NKAIN2: variants seen among roughly 807,000 people sequenced by gnomAD.
NKAIN2 encodes the protein sodium/potassium transporting ATPase interacting 2.
Under a neutral mutation model 32.6 loss-of-function variants are expected in NKAIN2, and 14 were observed. The ratio of observed to expected loss-of-function variants is 0.43; its 90% CI spans 0.28 to 0.67. The LOEUF (loss-of-function observed/expected upper bound fraction) is 0.67, where lower values mean the gene tolerates loss of function less well. Ranked by LOEUF, NKAIN2 falls within the 30% of genes least tolerant of loss-of-function variation. NKAIN2 has a pLI of 0.17. For missense variants in NKAIN2, 198 were observed against 258.3 expected (o/e 0.77, Z 1.60); for synonymous variants, 80 against 87.2 (o/e 0.92, Z 0.46).
At chr6:124,401,590 G>T (rs7774006) in intron 3 of NKAIN2, among the ~76,000 whole-genome samples, 2,288 of 152,280 alleles carry the variant, frequency 0.015, 52 homozygotes, top group African/African-American at 0.053. Flanking sequence ...CTCACTCTTG[G>T]TGTGGTCAGG....
In NKAIN2 at chr6:123,925,899, C is replaced by G. The variant is rs144778246; in HGVS notation, c.54+121645C>G. 3.4e-3 allele frequency among the ~76,000 whole-genome samples: 521 copies of G among 152,304 alleles called. 3 individuals are homozygous for G. Among genetic ancestry groups the G allele is most frequent in the African/African-American group, 0.012 (498 of 41,572 alleles). ...TAAACTAGATAGCTTATATAAACAA[C>G]ATAAATGAATTTAATATAATTCTGG... On this transcript the variant is annotated intron_variant, in intron 1 of 6. Coordinates refer to ENST00000368417, the MANE Select transcript of NKAIN2 (RefSeq NM_001040214.3).
chr6:124,301,106 C>G (rs924335227), intron 2 of NKAIN2, among the ~76,000 whole-genome samples: 2 of 152,076 alleles, frequency 1.3e-5, no homozygotes, highest in African/African-American at 4.8e-5. Flanking sequence ...CTGGCCCAGT[C>G]CAGGGCCCCT....
At chr6:124,447,083 A>T (rs1183387680) in intron 3 of NKAIN2, among the ~76,000 whole-genome samples, 2 of 152,106 alleles carry the variant, frequency 1.3e-5, no homozygotes, top group African/African-American at 4.8e-5. Flanking sequence ...AGCTTCTTCT[A>T]CACATTAAAC....
intron 1 of NKAIN2, among the ~76,000 whole-genome samples, chr6:123,818,971 G>A (rs546159571): frequency 1.4e-4 from 22 of 152,194 alleles, no homozygotes; most frequent in Non-Finnish European, 3.1e-4. Flanking sequence ...TGAGTGGAAA[G>A]GTGTGTGTTT....
intron 3 of NKAIN2, among the ~76,000 whole-genome samples, chr6:124,502,214 G>T (rs1418571161): frequency 6.6e-6 from 1 of 152,132 alleles, no homozygotes; most frequent in Non-Finnish European, 1.5e-5. Context: ...ACTTGAAAGA[G>T]ATAGTAGCAT....
At chr6:124,299,506 C>T (rs1796209713) in intron 2 of NKAIN2, among the ~76,000 whole-genome samples, 1 of 151,888 alleles carries the variant, frequency 6.6e-6, no homozygotes, top group Non-Finnish European at 1.5e-5. Flanking sequence ...TGTAGCCTTT[C>T]CTTGACGATT....
At chr6:123,843,126 G>A (rs1774944690) in intron 1 of NKAIN2, among the ~76,000 whole-genome samples, 1 of 152,114 alleles carries the variant, frequency 6.6e-6, no homozygotes, top group Non-Finnish European at 1.5e-5. Context: ...TTCTCTTTTA[G>A]CTTTGCCACT....
At chr6:124,626,861 G>A (rs1783371406) in intron 3 of NKAIN2, among the ~76,000 whole-genome samples, 1 of 152,162 alleles carries the variant, frequency 6.6e-6, no homozygotes. Context: ...TCAGGCCAGA[G>A]CCCTTCCAGA....
intron 3 of NKAIN2, among the ~76,000 whole-genome samples, chr6:124,592,231 AC>A (rs1273857104): frequency 1.3e-5 from 2 of 152,234 alleles, no homozygotes; most frequent in Admixed American, 1.3e-4. Flanking sequence ...AGAAACAACA[AC>A]AAAAAATACT....
intron 1 of NKAIN2, among the ~76,000 whole-genome samples, chr6:124,154,109 C>T (rs776051236): frequency 2.0e-4 from 31 of 151,540 alleles, no homozygotes; most frequent in African/African-American, 5.6e-4. Context: ...TGTATTGACA[C>T]GGTGAATTAT....
intron 2 of NKAIN2, among the ~76,000 whole-genome samples, chr6:124,351,788 A>G (rs943645582): frequency 3.3e-5 from 5 of 151,822 alleles, no homozygotes; most frequent in African/African-American, 1.2e-4. Flanking sequence ...ATGCCTGGCT[A>G]ATTTTGTATT....
At chr6:123,837,389 G>A (rs1435100669) in intron 1 of NKAIN2, among the ~76,000 whole-genome samples, 1 of 147,836 alleles carries the variant, frequency 6.8e-6, no homozygotes, top group Non-Finnish European at 1.5e-5. Flanking sequence ...TGTCCTTCCA[G>A]TTGTTAGCAA....
intron 4 of NKAIN2, among the ~76,000 whole-genome samples, chr6:124,687,347 A>AAT (rs1326842585): frequency 2.2e-5 from 3 of 134,630 alleles, no homozygotes; most frequent in African/African-American, 2.6e-5. Context: ...ATATACATAT[A>AAT]ATATATATAT....
chr6:124,287,272 GA>G (rs1795596870), intron 2 of NKAIN2, among the ~76,000 whole-genome samples: 1 of 152,142 alleles, frequency 6.6e-6, no homozygotes, highest in South Asian at 2.1e-4. Flanking sequence ...TATTGAGACT[GA>G]GGGCATTTGC....
At chr6:123,912,015 T>A (rs2114460360) in intron 1 of NKAIN2, among the ~76,000 whole-genome samples, 1 of 151,664 alleles carries the variant, frequency 6.6e-6, no homozygotes, top group Admixed American at 6.6e-5. Flanking sequence ...ACCATTATCT[T>A]TACCTCTCAG....
chr6:124,557,725 G>C (rs1042061948), intron 3 of NKAIN2, among the ~76,000 whole-genome samples: 23 of 152,126 alleles, frequency 1.5e-4, no homozygotes, highest in African/African-American at 5.6e-4. Context: ...CATAATTTAC[G>C]ATGCCTGACT....
At chr6:123,880,889 A>C (rs1773422003) in intron 1 of NKAIN2, among the ~76,000 whole-genome samples, 1 of 152,234 alleles carries the variant, frequency 6.6e-6, no homozygotes, top group South Asian at 2.1e-4. Flanking sequence ...AAAGCAACTA[A>C]TTCAGAGATA....
At chr6:123,873,561 G>T (rs567403544) in intron 1 of NKAIN2, among the ~76,000 whole-genome samples, 6 of 152,130 alleles carry the variant, frequency 3.9e-5, no homozygotes, top group Middle Eastern at 3.2e-3. Context: ...AAATGCAGGC[G>T]AGAGGAGAGA....
intron 3 of NKAIN2, among the ~76,000 whole-genome samples, chr6:124,391,917 C>T (rs1362784268): frequency 6.6e-6 from 1 of 152,096 alleles, no homozygotes; most frequent in Non-Finnish European, 1.5e-5. Context: ...AGCAACTCAG[C>T]ACTTCTGGTT....
Sources: allele counts gnomAD v4.1 joint callset (sites outside exome capture counted in the v4.1 genomes callset), GRCh38; gene constraint gnomAD v4.1.1; transcripts MANE v1.5; gene names NCBI Gene and HGNC (gene_info 2026-07-23, HGNC 2026-07-21).